The following CTSF variants were observed in gnomAD, a reference collection of about 807,000 sequenced individuals.
CTSF encodes cathepsin F.
CTSF carries 65 observed loss-of-function variants against 63.5 expected under a neutral mutation model. The ratio of observed to expected loss-of-function variants is 1.02; its 90% CI spans 0.84 to 1.26. The LOEUF is 1.26. Among genes scored for constraint, CTSF ranks in the 50% most tolerant of loss-of-function variants. The probability of loss-of-function intolerance (pLI) is 0.00; values close to 1 mark genes in which losing one functional copy is unlikely to be tolerated. For missense variants in CTSF, 641 were observed against 631.0 expected, an observed-to-expected ratio of 1.02 and a Z score of -0.17; for synonymous variants, 256 against 258.1, an observed-to-expected ratio of 0.99 and a Z score of 0.08.
Position 66,563,833 on chromosome 11 carries a change from C to T in CTSF, c.*100G>A. ...CACCCTGAGGTACCCAGTGCCTTTC[C>T]CTCTGCCAGCTGTACCTCCCGGGGA... On this transcript the variant is annotated 3_prime_UTR_variant, in exon 13 of 13. Coordinates refer to ENST00000310325, the MANE Select transcript of CTSF (RefSeq NM_003793.4). 1.4e-6 allele frequency: 2 copies of T among 1,465,828 alleles called. No homozygotes were observed. Among genetic ancestry groups the T allele is most frequent in the Non-Finnish European group, 1.9e-6 (2 of 1,072,208 alleles). 90.8% of individuals were successfully genotyped at this position (1,465,828 alleles called of 1,614,324 possible).
At position 66,563,856 on chromosome 11, in the gene CTSF, G is replaced by A; in HGVS notation, c.*77C>T. ...TCCCTCTGCCAGCTGTACCTCCCGG[G>A]GAGGGGCCTGGACACATGTCAGGCT... On this transcript the variant is annotated 3_prime_UTR_variant, in exon 13 of 13. Transcript: ENST00000310325. 1.3e-6 allele frequency: 2 copies of A among 1,570,154 alleles called. No individual in the cohort carries two copies. The highest frequency in any genetic ancestry group is 1.7e-6 in the Non-Finnish European group (2 of 1,150,124).
chr11:66,567,160 C>T, intron 4 of CTSF, 86 bp downstream of exon 4: 1 of 1,381,094 alleles, frequency 7.2e-7, no homozygotes, highest in Non-Finnish European at 1.0e-6. Flanking sequence ...TGCCTCTTGT[C>T]TTTCTCCTCC....
Position 66,568,434 on chromosome 11 carries a change from A to T in CTSF, c.53T>A (p.Val18Glu). The change falls in exon 1 of 13, where the codon GTG becomes GAG. Residue 18 changes from valine to glutamate, a missense_variant. Coordinates refer to ENST00000310325, the MANE Select transcript of CTSF (RefSeq NM_003793.4). ...GGCTCGGGGCTGGGCGGGGGCGGCC[A>T]CTGCGCCCGGGAGCAGCCCCAGCAG... is the stretch of plus-strand genomic sequence containing the variant. ...LSLLGLLPGAVAAPAQPRAAS... is the reference protein window; with the variant it reads ...LSLLGLLPGAEAAPAQPRAAS... 7.3e-7 allele frequency: 1 copy of T among 1,371,410 alleles called. No homozygotes were observed. Among genetic ancestry groups the T allele is most frequent in the South Asian group, 1.7e-5 (1 of 57,282 alleles). 85.0% of individuals were successfully genotyped at this position (1,371,410 alleles called of 1,614,324 possible). A position where few individuals can be genotyped will look rare whatever the true frequency, so the allele number is the denominator to read the frequency against.
chr11:66,565,773 C>T, intron 7 of CTSF, 22 bp from the exon 8 acceptor site: 1 of 1,613,906 alleles, frequency 6.2e-7, no homozygotes, highest in Non-Finnish European at 8.5e-7. Flanking sequence ...AAGGCTGGTC[C>T]CAAGAAGCCC....
intron 8 of CTSF, 24 bp downstream of exon 8, chr11:66,565,647 C>T (rs1189008739): frequency 6.2e-7 from 1 of 1,612,500 alleles, no homozygotes; most frequent in Non-Finnish European, 8.5e-7. Flanking sequence ...TCCGGTTGCC[C>T]CTCCTGACCC....
chr11:66,565,573 T>C (rs1590815592), intron 8 of CTSF, 98 bp downstream of exon 8: 1 of 1,530,698 alleles, frequency 6.5e-7, no homozygotes, highest in Non-Finnish European at 9.0e-7. Flanking sequence ...CCCAGTTCTG[T>C]GTAACTCTCA....
In CTSF at chr11:66,567,238, G is replaced by A. The variant is rs754779597; in HGVS notation, c.607+8C>T. ...TAGGAACAGGTACAGCCAAGGCTGG[G>A]TCCTCACCTTCCTTTGACTCATATG... is the stretch of plus-strand genomic sequence containing the variant. On this transcript the variant is annotated splice_region_variant and intron_variant, in intron 4 of 12. Coordinates refer to ENST00000310325, the MANE Select transcript of CTSF (RefSeq NM_003793.4). 5.0e-6 allele frequency: 8 copies of A among 1,614,150 alleles called. No homozygotes were observed. Among genetic ancestry groups the A allele is most frequent in the South Asian group, 1.1e-5 (1 of 91,086 alleles).
chr11:66,567,764 C>G, intron 2 of CTSF, 102 bp from the exon 3 acceptor site: 2 of 1,478,038 alleles, frequency 1.4e-6, no homozygotes, highest in African/African-American at 1.4e-5. Flanking sequence ...AGAGCCACCC[C>G]TAAGGCAATC....
At position 66,565,745 on chromosome 11, in the gene CTSF, A is replaced by G. The variant is rs769143533; in HGVS notation, c.971T>C (p.Leu324Ser). 32 of 1,613,784 alleles carry G rather than the reference A, an allele frequency of 2.0e-5. No homozygotes were observed. Among genetic ancestry groups the G allele is most frequent in the Middle Eastern group, 1.6e-4 (1 of 6,072 alleles). Residue 324 changes from leucine to serine, a missense_variant, in exon 8 of 13, where the codon TTG becomes TCG. Leu to Ser is a moderately radical substitution (Grantham distance 145). Coordinates refer to ENST00000310325, the MANE Select transcript of CTSF (RefSeq NM_003793.4). ...GGCCTTGTCCATCTTGTCACAGTCCAAGAGCTCTAGGAGACAGAAGGCTGG... is the reference window on the plus strand; with the variant it reads ...GGCCTTGTCCATCTTGTCACAGTCCGAGAGCTCTAGGAGACAGAAGGCTGG... ...TLLSLSEQEL[L>S]DCDKMDKACM...
At chr11:66,567,036 T>C (rs1857946515) in intron 4 of CTSF, among the ~76,000 whole-genome samples, 1 of 152,108 alleles carries the variant, frequency 6.6e-6, no homozygotes, top group African/African-American at 2.4e-5. Flanking sequence ...CCAAGACCCA[T>C]GGCTTCTGAG....
In CTSF at chr11:66,564,816, G is replaced by A. The variant is rs201693863; in HGVS notation, c.1166-10C>T. 2.2e-5 allele frequency: 35 copies of A among 1,614,138 alleles called. No homozygotes were observed. In the African/African-American group the frequency reaches 4.4e-4, roughly 20 times the overall value. ...AGCCAGGCTGCCAGCTCTGAGATGG[G>A]AAGGGGTGGCATCAGTAGGCACCCA... On this transcript the variant is annotated splice_polypyrimidine_tract_variant and intron_variant, in intron 9 of 12. Transcript: ENST00000310325.
chr11:66,567,272 T>C lies in CTSF; in HGVS notation c.581A>G (p.Tyr194Cys), dbSNP rs775883128. The change falls in exon 4 of 13, where the codon TAT becomes TGT. Residue 194 changes from tyrosine (Y) to cysteine (C), a missense_variant. Coordinates refer to ENST00000310325, the MANE Select transcript of CTSF (RefSeq NM_003793.4). ...ASIFKNFVIT[Y>C]NRTYESKEEA... ...TTCCTTTGACTCATATGTCCGGTTATAGGTAATGACAAAGTTCTTGAAGAT... is the reference window on the plus strand; with the variant it reads ...TTCCTTTGACTCATATGTCCGGTTACAGGTAATGACAAAGTTCTTGAAGAT... 1.2e-6 allele frequency: 2 copies of C among 1,614,184 alleles called. No homozygotes were observed. The highest frequency in any genetic ancestry group is 2.2e-5 in the East Asian group (1 of 44,890).
intron 9 of CTSF, 40 bp downstream of exon 9, chr11:66,564,847 C>T (rs770422849): frequency 8.1e-5 from 130 of 1,613,958 alleles, no homozygotes; most frequent in Admixed American, 1.7e-4. Flanking sequence ...ACCCAGGCCC[C>T]GGCCCCACCT....
chr11:66,565,696 A>C lies in CTSF; in HGVS notation c.1020T>G (p.Asn340Lys). 1 of 1,613,680 alleles carries C rather than the reference A, an allele frequency of 6.2e-7. No homozygotes were observed. The highest frequency in any genetic ancestry group is 8.5e-7 in the Non-Finnish European group (1 of 1,180,040). The change falls in exon 8 of 13, where the codon AAT becomes AAG. Residue 340 changes from asparagine to lysine, a missense_variant. Transcript: ENST00000310325. ...DKACMGGLPS[N>K]AYSAIKNLGG... ...CCAAATTCTTTATGGCCGAGTAGGCATTGGAGGGCAAGCCGCCCATGCAGG... is the reference window on the plus strand; with the variant it reads ...CCAAATTCTTTATGGCCGAGTAGGCCTTGGAGGGCAAGCCGCCCATGCAGG...
rs1857958978 is a variant in CTSF, at chr11:66,567,521, A to G, written c.454T>C (p.Ser152Pro). 1.2e-6 allele frequency: 2 copies of G among 1,614,050 alleles called. No homozygotes were observed. The highest frequency in any genetic ancestry group is 1.7e-6 in the Non-Finnish European group (2 of 1,180,046). Residue 152 changes from serine to proline, a missense_variant, in exon 3 of 13, where the codon TCC becomes CCC. Physicochemically the swap from Ser to Pro is moderately conservative, Grantham distance 74. Coordinates refer to ENST00000310325, the MANE Select transcript of CTSF (RefSeq NM_003793.4). ...TTTCTGTTGTCTGGATGGTTTTGGG[A>G]CAGAGAAGAAATCATGGCTGAGCCC... is the stretch of plus-strand genomic sequence containing the variant. ...TQGSAMISSL[S>P]QNHPDNRNET...
Position 66,564,990 on chromosome 11 carries a change from C to A in CTSF, c.1062G>T (p.Glu354Asp). The stretch of plus-strand genomic sequence containing the variant: ...TGTGACCCTGGTAGCTGTAGTCATC[C>A]TCTGTCTCCAGCCCTCCTGGGGAAC... ...AIKNLGGLET[E>D]DDYSYQGHMQ... is the part of the protein sequence containing the mutation. The change falls in exon 9 of 13, where the codon GAG becomes GAT. Residue 354 changes from glutamate (E) to aspartate (D), a missense_variant. Physicochemically the swap from Glu to Asp is conservative, Grantham distance 45. Transcript: ENST00000310325. 6.4e-7 allele frequency: 1 copy of A among 1,573,216 alleles called. No homozygotes were observed. Among genetic ancestry groups the A allele is most frequent in the South Asian group, 1.2e-5 (1 of 84,384 alleles).
At position 66,564,626 on chromosome 11, in the gene CTSF, C is replaced by T. The variant is rs141345438; in HGVS notation, c.1253G>A (p.Arg418His). 48 of 1,606,654 alleles carry T rather than the reference C, an allele frequency of 3.0e-5. No individual in the cohort carries two copies. The highest frequency in any genetic ancestry group is 1.7e-4 in the Middle Eastern group (1 of 6,008). The change falls in exon 11 of 13, where the codon CGC (arginine) becomes CAC (histidine). Residue 418 changes from arginine (R) to histidine (H), a missense_variant. Transcript: ENST00000310325. ...AGGGCTGCAGAGGGGCCGGAGAGGG[C>T]GGGAGATCCCGTGGCGGTAAAACTG... ...GMQFYRHGIS[R>H]PLRPLCSPWL...
At position 66,567,613 on chromosome 11, in the gene CTSF, C is replaced by T. The variant is rs369135126; in HGVS notation, c.362G>A (p.Arg121Gln). The T allele has an allele frequency of 5.6e-6, 9 of 1,614,092 alleles. No individual in the cohort carries two copies. The South Asian group carries it at 7.7e-5, about 14-fold the overall frequency. ...LDELGRHVLL[R>Q]KDCGPVDTKV... ...GGTGTCCACTGGGCCACAGTCCTTC[C>T]GCAGCAGCACGTGTCTTCCGAGCTC... is the stretch of plus-strand genomic sequence containing the variant. Residue 121 changes from arginine to glutamine, a missense_variant, in exon 3 of 13, where the codon CGG becomes CAG. By Grantham distance (43) the Arg-to-Gln change is conservative (BLOSUM62 1). Transcript: ENST00000310325.
At chr11:66,567,155 CTT>C in intron 4 of CTSF, 89 bp downstream of exon 4, 1 of 1,336,488 alleles carries the variant, frequency 7.5e-7, no homozygotes. Flanking sequence ...TACACTGCCT[CTT>C]GTCTTTCTCC....
Sources: allele counts gnomAD v4.1 joint callset (sites outside exome capture counted in the v4.1 genomes callset), GRCh38; gene constraint gnomAD v4.1.1; transcripts MANE v1.5; gene names NCBI Gene and HGNC (gene_info 2026-07-23, HGNC 2026-07-21).